Variants in SH3GLB2 observed in about 807,000 individuals in gnomAD.
SH3GLB2 encodes the protein endophilin-B2.
SH3GLB2 carries 24 observed loss-of-function variants against 48.0 expected under a neutral mutation model. That is an observed-to-expected ratio of 0.50 (90% CI 0.36 to 0.70). The LOEUF (loss-of-function observed/expected upper bound fraction) is 0.70, where lower values mean the gene tolerates loss of function less well. Ranked by LOEUF, SH3GLB2 falls within the 30% of genes least tolerant of loss-of-function variation. The probability of loss-of-function intolerance (pLI) is 0.00; values close to 1 mark genes in which losing one functional copy is unlikely to be tolerated. For missense variants in SH3GLB2, 425 were observed against 516.0 expected, an observed-to-expected ratio of 0.82 and a Z score of 1.71; for synonymous variants, 227 against 207.6, an observed-to-expected ratio of 1.09 and a Z score of -0.80.
chr9:129,008,857 T>C, intron 10 of SH3GLB2, 66 bp from the exon 11 acceptor site: 2 of 1,486,360 alleles, frequency 1.3e-6, no homozygotes, highest in Non-Finnish European at 9.3e-7. Flanking sequence ...CAGGACTAAG[T>C]GGGGACAGAG....
At chr9:129,026,212 TG>T (rs1297448865) in intron 1 of SH3GLB2, among the ~76,000 whole-genome samples, 1 of 152,208 alleles carries the variant, frequency 6.6e-6, no homozygotes. Flanking sequence ...TGTTCCTTGC[TG>T]GATCGGGGAG....
chr9:129,013,069 T>G, intron 5 of SH3GLB2: 1 of 1,550,112 alleles, frequency 6.5e-7, no homozygotes, highest in South Asian at 1.2e-5. Context: ...AACAAAGAGT[T>G]AGTGAGTCCA....
chr9:129,010,951 A>G, intron 6 of SH3GLB2: 1 of 545,470 alleles, frequency 1.8e-6, no homozygotes. Flanking sequence ...CTACAGTGTC[A>G]GCCCCATTCT....
Position 129,008,562 on chromosome 9 carries a change from A to G in SH3GLB2, c.*122T>C. 1 of 743,798 alleles carries G rather than the reference A, an allele frequency of 1.3e-6. No individual in the cohort carries two copies. Among genetic ancestry groups the G allele is most frequent in the Non-Finnish European group, 2.3e-6 (1 of 438,238 alleles). 46.1% of individuals were successfully genotyped at this position (743,798 alleles called of 1,614,324 possible). A position where few individuals can be genotyped will look rare whatever the true frequency, so the allele number is the denominator to read the frequency against. The stretch of plus-strand genomic sequence containing the variant: ...CACAGCTAGGTGACTAGGGGCAGGG[A>G]CAGAATGGGGTGAATTCTCCCCACT... On this transcript the variant is annotated 3_prime_UTR_variant, in exon 11 of 11. Transcript: ENST00000372564.
At chr9:129,025,738 C>A (rs1048579344) in intron 1 of SH3GLB2, among the ~76,000 whole-genome samples, 7 of 151,792 alleles carry the variant, frequency 4.6e-5, no homozygotes, top group Non-Finnish European at 1.0e-4. Context: ...TCAACACCTC[C>A]CCTCCTTACC....
chr9:129,013,732 G>A (rs1843256674), intron 5 of SH3GLB2: 1 of 224,128 alleles, frequency 4.5e-6, no homozygotes, highest in Non-Finnish European at 9.2e-6. Context: ...CCTCTGCAAG[G>A]TATGAGGCAG....
intron 6 of SH3GLB2, chr9:129,010,904 A>C: frequency 1.7e-6 from 1 of 604,214 alleles, no homozygotes; most frequent in Non-Finnish European, 3.0e-6. Flanking sequence ...CTCATGCAGG[A>C]GGGGAGCAGC....
intron 3 of SH3GLB2, among the ~76,000 whole-genome samples, chr9:129,018,378 C>G (rs1843568167): frequency 6.6e-6 from 1 of 151,598 alleles, no homozygotes; most frequent in Non-Finnish European, 1.5e-5. Flanking sequence ...GAGTTCAAGA[C>G]CAGCCTGGCC....
At chr9:129,010,600 A>G (rs1843056643) in intron 7 of SH3GLB2, 70 bp downstream of exon 7, 1 of 1,564,282 alleles carries the variant, frequency 6.4e-7, no homozygotes, top group African/African-American at 1.4e-5. Flanking sequence ...ATCAGACCCC[A>G]CAGCAGCAAG....
chr9:129,014,687 C>T lies in SH3GLB2; in HGVS notation c.468+84G>A. On this transcript the variant is annotated intron_variant, in intron 4 of 10. Transcript: ENST00000372564. This position sits in a 1 kb window ranked among gnomAD's most constrained non-coding sequence, Gnocchi z 4.1. ...GGCCTCAGGAGTTTTGTAGCCCCAGCACTGGAAGAGAGCCTGTACTCAAAG... is the reference window on the plus strand; with the variant it reads ...GGCCTCAGGAGTTTTGTAGCCCCAGTACTGGAAGAGAGCCTGTACTCAAAG... 3 of 1,557,018 alleles carry T rather than the reference C, an allele frequency of 1.9e-6. No individual in the cohort carries two copies. Among genetic ancestry groups the T allele is most frequent in the Middle Eastern group, 2.0e-4 (1 of 5,046 alleles).
At chr9:129,024,997 C>G (rs901694783) in intron 1 of SH3GLB2, among the ~76,000 whole-genome samples, 1 of 151,388 alleles carries the variant, frequency 6.6e-6, no homozygotes, top group African/African-American at 2.4e-5. Context: ...GCAAGGAAGC[C>G]AGGCATGGTG....
At chr9:129,023,157 C>T (rs541734463) in intron 1 of SH3GLB2, among the ~76,000 whole-genome samples, 2 of 152,172 alleles carry the variant, frequency 1.3e-5, no homozygotes, top group South Asian at 2.1e-4. Context: ...GGTGCAGAGA[C>T]GTCTGGGAAG....
intron 6 of SH3GLB2, 177 bp from the exon 7 acceptor site, chr9:129,010,870 G>A (rs1843080529): frequency 4.3e-6 from 3 of 697,652 alleles, no homozygotes; most frequent in Non-Finnish European, 4.9e-6. Context: ...CTGGGGGCTG[G>A]CGGTCCCAGT....
At chr9:129,023,200 C>T (rs138983990) in intron 1 of SH3GLB2, among the ~76,000 whole-genome samples, 23 of 152,210 alleles carry the variant, frequency 1.5e-4, no homozygotes, top group Admixed American at 1.3e-3. Context: ...GATGGCCAAA[C>T]GGTTGGCTTT....
At chr9:129,009,581 G>T (rs1224675982) in intron 9 of SH3GLB2, 190 bp downstream of exon 9, 1 of 1,528,960 alleles carries the variant, frequency 6.5e-7, no homozygotes, top group African/African-American at 1.4e-5. Context: ...GGCTCCAGGG[G>T]ACTTGGCCGT....
At chr9:129,012,349 C>A in intron 5 of SH3GLB2, 51 bp from the exon 6 acceptor site, 1 of 1,209,490 alleles carries the variant, frequency 8.3e-7, no homozygotes, top group South Asian at 3.6e-5. Flanking sequence ...GGGCCAGGGC[C>A]AGGGTCGAGG....
Position 129,009,800 on chromosome 9 carries a change from G to A in SH3GLB2, c.810C>T (p.His270=). Reference sequence around the variant, plus strand: ...CCAGCTGCTTCTGCAAGTCCAGCATGTGGCGGTAGCACTGTGCGTAGTAGG... The same window carrying A: ...CCAGCTGCTTCTGCAAGTCCAGCATATGGCGGTAGCACTGTGCGTAGTAGG... ...QTTYYAQCYR[H]MLDLQKQLGR... is the part of the protein sequence containing the mutation. The change falls in exon 9 of 11, where the codon CAC becomes CAT. Residue 270 remains histidine (H), a synonymous_variant. Coordinates refer to ENST00000372564, the MANE Select transcript of SH3GLB2 (RefSeq NM_020145.4). 6.2e-7 allele frequency: 1 copy of A among 1,613,886 alleles called. No homozygotes were observed. The highest frequency in any genetic ancestry group is 8.5e-7 in the Non-Finnish European group (1 of 1,179,904).
At chr9:129,009,514 C>A in intron 9 of SH3GLB2, 168 bp from the exon 10 acceptor site, 1 of 1,548,344 alleles carries the variant, frequency 6.5e-7, no homozygotes, top group South Asian at 1.2e-5. Flanking sequence ...GTGAGATGGC[C>A]CCACCCCCTG....
intron 5 of SH3GLB2, chr9:129,013,623 A>G (rs181034477): frequency 4.9e-5 from 9 of 184,690 alleles, no homozygotes; most frequent in Non-Finnish European, 6.9e-5. Context: ...CGCAAGGTGC[A>G]TGGGCAGCTG....
Sources: allele counts gnomAD v4.1 joint callset (sites outside exome capture counted in the v4.1 genomes callset), GRCh38; gene constraint gnomAD v4.1.1; non-coding constraint Gnocchi (gnomAD v3.1); transcripts MANE v1.5; gene names NCBI Gene and HGNC (gene_info 2026-07-23, HGNC 2026-07-21).